The following LRFN5 variants were observed in gnomAD, a reference collection of about 807,000 sequenced individuals.
LRFN5 encodes the protein leucine rich repeat and fibronectin type III domain containing 5.
LRFN5 carries 24 observed loss-of-function variants against 45.6 expected under a neutral mutation model. The observed-to-expected ratio is 0.53, with a 90% confidence interval of 0.38 to 0.74. The LOEUF (loss-of-function observed/expected upper bound fraction) is 0.74. Among genes scored for constraint, LRFN5 ranks in the 30% least tolerant of loss-of-function variants. The probability of loss-of-function intolerance (pLI) is 0.00; values close to 1 mark genes in which losing one functional copy is unlikely to be tolerated. For synonymous variants in LRFN5, 340 were observed against 313.8 expected, an observed-to-expected ratio of 1.08 and a Z score of -0.88; for missense variants, 776 against 861.5, an observed-to-expected ratio of 0.90 and a Z score of 1.24.
chr14:41,787,587 T>C (rs2138934939), intron 2 of LRFN5, among the ~76,000 whole-genome samples: 1 of 152,108 alleles, frequency 6.6e-6, no homozygotes, highest in East Asian at 1.9e-4. Context: ...CAGAAATCTC[T>C]ATTTTTCCTG....
intron 1 of LRFN5, among the ~76,000 whole-genome samples, chr14:41,757,328 T>G (rs1372954652): frequency 6.6e-6 from 1 of 152,202 alleles, no homozygotes; most frequent in Non-Finnish European, 1.5e-5. Context: ...CTGCTGCCTT[T>G]TGTTTGGCTA....
chr14:41,803,067 AAAAC>A (rs962599570), intron 2 of LRFN5, among the ~76,000 whole-genome samples: 39 of 152,152 alleles, frequency 2.6e-4, no homozygotes, highest in Non-Finnish European at 5.1e-4. Flanking sequence ...TATACCTCCC[AAAAC>A]AAACAAACAA....
chr14:41,640,307 T>C (rs1419113967), intron 1 of LRFN5, among the ~76,000 whole-genome samples: 1 of 152,104 alleles, frequency 6.6e-6, no homozygotes, highest in African/African-American at 2.4e-5. Flanking sequence ...ACATACACTT[T>C]TTATGTCAAG....
intron 1 of LRFN5, among the ~76,000 whole-genome samples, chr14:41,744,046 A>G (rs1365893792): frequency 6.6e-6 from 1 of 152,126 alleles, no homozygotes; most frequent in Non-Finnish European, 1.5e-5. Context: ...ATACTAAAGA[A>G]TATACACAAA....
chr14:41,837,467 T>G (rs890276338), intron 2 of LRFN5, among the ~76,000 whole-genome samples: 3 of 152,132 alleles, frequency 2.0e-5, no homozygotes, highest in Admixed American at 1.3e-4. Flanking sequence ...GACCTCTGAA[T>G]CAGAAATGAA....
Position 41,856,675 on chromosome 14 carries a change from A to ATTATTATTATTTTT in LRFN5, c.-20-29929_-20-29928insATTATTATTTTTTT. Among the ~76,000 whole-genome samples, 20 of 18,324 alleles carry ATTATTATTATTTTT rather than the reference A, an allele frequency of 1.1e-3. 1 individual carries two copies. The highest frequency in any genetic ancestry group is 9.4e-3 in the East Asian group (7 of 742). 12.0% of individuals were successfully genotyped at this position (18,324 alleles called of 152,430 possible). ...TTCTTTCCTAATTATTATTATTATTATTTTTTTTTTTTTTTTTTTGAGACG... is the reference window on the plus strand; with the variant it reads ...TTCTTTCCTAATTATTATTATTATTATTATTATTATTTTTTTTTTTTTTTTTTTTTTTTGAGACG... On this transcript the variant is annotated intron_variant, in intron 2 of 5. Coordinates refer to ENST00000298119, the MANE Select transcript of LRFN5 (RefSeq NM_152447.5).
rs147830377 is a variant in LRFN5 at position 41,881,030 on chromosome 14, A to G, written c.-20-5576A>G. The stretch of plus-strand genomic sequence containing the variant: ...CAACGTGTATTTTTCTAAATGCTTC[A>G]TGGATGGCCTGGTTATTTTAGGCAG... On this transcript the variant is annotated intron_variant, in intron 2 of 5. Coordinates refer to ENST00000298119, the MANE Select transcript of LRFN5 (RefSeq NM_152447.5). Among the ~76,000 whole-genome samples, 453 of 152,240 alleles carry G rather than the reference A, an allele frequency of 3.0e-3. 1 individual carries two copies. The highest frequency in any genetic ancestry group is 6.8e-3 in the Middle Eastern group (2 of 294).
chr14:41,815,770 A>T (rs1887895905), intron 2 of LRFN5, among the ~76,000 whole-genome samples: 1 of 151,880 alleles, frequency 6.6e-6, no homozygotes, highest in South Asian at 2.1e-4. Flanking sequence ...ATATAAATAA[A>T]TAAATAAATA....
chr14:41,794,970 T>C (rs754910639), intron 2 of LRFN5, among the ~76,000 whole-genome samples: 3 of 151,824 alleles, frequency 2.0e-5, no homozygotes, highest in Non-Finnish European at 2.9e-5. Context: ...TATAGATCTA[T>C]GTTATGCATA....
chr14:41,678,838 A>C (rs559822589), intron 1 of LRFN5, among the ~76,000 whole-genome samples: 2 of 152,274 alleles, frequency 1.3e-5, no homozygotes, highest in South Asian at 4.1e-4. Context: ...TTACTGAAAG[A>C]GTCATTGGAA....
At chr14:41,836,065 C>T (rs893868113) in intron 2 of LRFN5, among the ~76,000 whole-genome samples, 1 of 151,944 alleles carries the variant, frequency 6.6e-6, no homozygotes, top group East Asian at 1.9e-4. Flanking sequence ...GATCTTCCAC[C>T]TTTAAAAGAA....
intron 2 of LRFN5, among the ~76,000 whole-genome samples, chr14:41,851,352 T>G (rs185561278): frequency 6.9e-4 from 104 of 150,706 alleles, no homozygotes; most frequent in Non-Finnish European, 3.3e-4. Flanking sequence ...TTTTGAATAT[T>G]ATTATTAGAG....
intron 1 of LRFN5, among the ~76,000 whole-genome samples, chr14:41,751,217 G>A (rs1489636317): frequency 6.6e-6 from 1 of 152,080 alleles, no homozygotes; most frequent in Non-Finnish European, 1.5e-5. Flanking sequence ...AGAACAGGGA[G>A]CCAAACCATT....
intron 2 of LRFN5, among the ~76,000 whole-genome samples, chr14:41,792,963 A>C (rs1249983055): frequency 7.2e-6 from 1 of 138,218 alleles, no homozygotes; most frequent in Non-Finnish European, 1.5e-5. Context: ...ACACATAGAC[A>C]TAGGAAGGGG....
At chr14:41,863,545 C>A (rs1446764645) in intron 2 of LRFN5, among the ~76,000 whole-genome samples, 1 of 152,134 alleles carries the variant, frequency 6.6e-6, no homozygotes. Context: ...ATTTAGAGTG[C>A]ACTGGCCAAT....
intron 1 of LRFN5, among the ~76,000 whole-genome samples, chr14:41,716,296 T>A (rs1157807851): frequency 6.6e-6 from 1 of 152,198 alleles, no homozygotes; most frequent in African/African-American, 2.4e-5. Flanking sequence ...TACAAATTTC[T>A]GCGGCCAGCT....
intron 2 of LRFN5, among the ~76,000 whole-genome samples, chr14:41,854,524 A>T (rs986713150): frequency 1.3e-5 from 2 of 152,212 alleles, no homozygotes; most frequent in African/African-American, 4.8e-5. Context: ...AAAAAAAGAA[A>T]TGACCTGGTA....
intron 2 of LRFN5, among the ~76,000 whole-genome samples, chr14:41,881,814 T>C (rs1350173001): frequency 1.3e-5 from 2 of 152,244 alleles, no homozygotes; most frequent in African/African-American, 2.4e-5. Flanking sequence ...TTAGATCATA[T>C]ACATTTAAAA....
intron 1 of LRFN5, among the ~76,000 whole-genome samples, chr14:41,734,348 A>ATATATATAT (rs1224866516): frequency 1.9e-4 from 22 of 114,328 alleles, no homozygotes; most frequent in East Asian, 5.9e-4. Flanking sequence ...ATATATATTT[A>ATATATATAT]AATTTGCTGT....
Sources: gnomAD v4.1 joint callset for allele counts (sites outside exome capture counted in the v4.1 genomes callset) on GRCh38, gnomAD v4.1.1 for gene constraint, MANE v1.5 for transcripts, NCBI Gene and HGNC (gene_info 2026-07-23, HGNC 2026-07-21) for gene names.